Variants in CDH13 observed in about 807,000 individuals in gnomAD.
The protein encoded by CDH13 is cadherin-13.
A neutral mutation model predicts 63.8 loss-of-function variants in CDH13; 24 were observed. The observed-to-expected ratio is 0.38, with a 90% CI of 0.27 to 0.53. CDH13 has a LOEUF of 0.53. Ranked by LOEUF, CDH13 falls within the 20% of genes least tolerant of loss-of-function variation. The pLI is 0.85. For synonymous variants in CDH13, 503 were observed against 355.3 expected, an observed-to-expected ratio of 1.42 and a Z score of -4.67; for missense variants, 1,049 against 903.1, an observed-to-expected ratio of 1.16 and a Z score of -2.07.
intron 8 of CDH13, among the ~76,000 whole-genome samples, chr16:83,630,105 G>A (rs749719387): frequency 1.3e-5 from 2 of 152,156 alleles, no homozygotes; most frequent in Non-Finnish European, 2.9e-5. Flanking sequence ...GAAAACCCAC[G>A]TGTTGATCTC....
chr16:82,653,980 A>G (rs1392855693), intron 1 of CDH13, among the ~76,000 whole-genome samples: 2 of 152,198 alleles, frequency 1.3e-5, no homozygotes, highest in Non-Finnish European at 2.9e-5. Flanking sequence ...AGGGAGGGAC[A>G]GGGAGAAATC....
At chr16:83,084,363 A>G (rs1046953010) in intron 3 of CDH13, among the ~76,000 whole-genome samples, 1 of 152,174 alleles carries the variant, frequency 6.6e-6, no homozygotes, top group African/African-American at 2.4e-5. Context: ...ATGTCTGTCC[A>G]GAAGTATTCA....
intron 10 of CDH13, among the ~76,000 whole-genome samples, chr16:83,724,398 G>A (rs1910118105): frequency 6.7e-6 from 1 of 148,824 alleles, no homozygotes; most frequent in South Asian, 2.2e-4. Context: ...ATGAATGCAT[G>A]GGTGAGTGAT....
intron 2 of CDH13, among the ~76,000 whole-genome samples, chr16:82,883,335 C>T (rs1419194467): frequency 6.6e-6 from 1 of 152,132 alleles, no homozygotes; most frequent in East Asian, 1.9e-4. Context: ...TATTTAATAG[C>T]AGGAGAAAGG....
intron 2 of CDH13, among the ~76,000 whole-genome samples, chr16:82,983,524 G>A (rs1472067824): frequency 3.3e-5 from 5 of 152,154 alleles, no homozygotes; most frequent in East Asian, 1.9e-4. Flanking sequence ...TGCCAGTAAG[G>A]GAGCAACCAG....
intron 5 of CDH13, among the ~76,000 whole-genome samples, chr16:83,258,581 C>A (rs922582382): frequency 2.0e-5 from 3 of 152,156 alleles, no homozygotes; most frequent in African/African-American, 7.2e-5. Flanking sequence ...ATCAAATGTG[C>A]ACTGCGGACC....
chr16:83,651,149 G>A (rs987423230), intron 8 of CDH13, among the ~76,000 whole-genome samples: 1 of 152,038 alleles, frequency 6.6e-6, no homozygotes, highest in South Asian at 2.1e-4. Flanking sequence ...CTGGTTATAA[G>A]AGACCCCTAG....
At chr16:83,217,233 T>C (rs1217640813) in intron 4 of CDH13, 112 bp from the exon 5 acceptor site, 1 of 979,554 alleles carries the variant, frequency 1.0e-6, no homozygotes, top group Non-Finnish European at 1.6e-6. Flanking sequence ...GTTCACCAGG[T>C]ACCCATGTGC....
At chr16:82,934,267 A>G (rs1254673500) in intron 2 of CDH13, among the ~76,000 whole-genome samples, 3 of 152,282 alleles carry the variant, frequency 2.0e-5, no homozygotes, top group East Asian at 1.9e-4. Context: ...TCAACACCAC[A>G]TGGAAGCTGC....
chr16:83,180,796 A>G (rs1237172505), intron 4 of CDH13: 13 of 989,716 alleles, frequency 1.3e-5, no homozygotes, highest in Non-Finnish European at 1.8e-5. Context: ...TTAATCCATG[A>G]TGCTGTAGTC....
intron 1 of CDH13, among the ~76,000 whole-genome samples, chr16:82,797,339 G>C (rs1567545405): frequency 6.6e-6 from 1 of 152,166 alleles, no homozygotes; most frequent in Non-Finnish European, 1.5e-5. Flanking sequence ...AAGTACTACG[G>C]TAGCTGCAGA....
intron 5 of CDH13, among the ~76,000 whole-genome samples, chr16:83,291,870 C>G (rs1005307921): frequency 6.6e-6 from 1 of 152,158 alleles, no homozygotes; most frequent in East Asian, 1.9e-4. Context: ...TTCTATGATT[C>G]TTTTCCATAT....
At chr16:83,741,206 G>A (rs1188412973) in intron 10 of CDH13, among the ~76,000 whole-genome samples, 1 of 152,114 alleles carries the variant, frequency 6.6e-6, no homozygotes, top group East Asian at 1.9e-4. Context: ...TACACTCAGG[G>A]CCATAGCTAC....
At chr16:83,602,097 AG>A (rs1567797471) in intron 7 of CDH13, among the ~76,000 whole-genome samples, 2,170 of 70,096 alleles carry the variant, frequency 0.031, no homozygotes, top group Non-Finnish European at 0.039. Flanking sequence ...AAAAAAAAAA[AG>A]AACAACAACA....
At chr16:83,585,593 C>T (rs1351023864) in intron 7 of CDH13, among the ~76,000 whole-genome samples, 1 of 84,244 alleles carries the variant, frequency 1.2e-5, no homozygotes, top group Non-Finnish European at 2.7e-5. Flanking sequence ...AATTAGGAGA[C>T]AGTTGGTAAT....
chr16:83,709,195 C>G (rs923439165), intron 10 of CDH13, among the ~76,000 whole-genome samples: 1 of 152,114 alleles, frequency 6.6e-6, no homozygotes, highest in African/African-American at 2.4e-5. Flanking sequence ...AGCAAAGAAA[C>G]AAATTCTGCC....
intron 5 of CDH13, among the ~76,000 whole-genome samples, chr16:83,297,594 G>A (rs1310950811): frequency 2.0e-5 from 3 of 152,110 alleles, no homozygotes; most frequent in African/African-American, 7.2e-5. Flanking sequence ...ACTGTTCTCA[G>A]TGGTCTTTGT....
chr16:83,353,099 T>G lies in CDH13; in HGVS notation c.781+8093T>G, dbSNP rs375671201. 5.3e-5 allele frequency among the ~76,000 whole-genome samples: 8 copies of G among 152,288 alleles called. No homozygotes were observed. In the South Asian group the frequency reaches 1.5e-3, roughly 28 times the overall value. On this transcript the variant is annotated intron_variant, in intron 6 of 13. Transcript: ENST00000567109. ...GGAAGCGTGGCAAGGGTGTAACGTG[T>G]GAGAAATTGCTTAATGAGTACAATA...
At chr16:82,674,055 G>C (rs28507482) in intron 1 of CDH13, among the ~76,000 whole-genome samples, 17,210 of 152,238 alleles carry the variant, frequency 0.11, 1,421 homozygotes, top group African/African-American at 0.22. Context: ...TGTTGGTCCT[G>C]TTGTTTGTGT....
Sources: gnomAD v4.1 joint callset for allele counts (sites outside exome capture counted in the v4.1 genomes callset) on GRCh38, gnomAD v4.1.1 for gene constraint, MANE v1.5 for transcripts, NCBI Gene and HGNC (gene_info 2026-07-23, HGNC 2026-07-21) for gene names.